The following CHD7 variants were observed in gnomAD, a reference collection of about 807,000 sequenced individuals.
CHD7 encodes chromodomain helicase DNA binding protein 7.
In CHD7, 24 loss-of-function variants were observed where a neutral mutation model predicts 307.3. The ratio of observed to expected loss-of-function variants is 0.08; its 90% CI spans 0.06 to 0.11. The LOEUF is 0.11. CHD7 is among the 10% of genes least tolerant of loss of function. The pLI is 1.00. For missense variants in CHD7, 3,106 were observed against 3,727.1 expected (o/e 0.83, Z 4.34); for synonymous variants, 1,363 against 1,349.9 (o/e 1.01, Z -0.21).
intron 1 of CHD7, among the ~76,000 whole-genome samples, chr8:60,703,101 T>C (rs1806847873): frequency 6.6e-6 from 1 of 152,248 alleles, no homozygotes. Context: ...TGGCCACCAC[T>C]GCGACCATCT....
intron 1 of CHD7, among the ~76,000 whole-genome samples, chr8:60,714,142 A>G (rs1483400945): frequency 6.6e-6 from 1 of 151,450 alleles, no homozygotes; most frequent in African/African-American, 2.4e-5. Flanking sequence ...CAGCGCCCGG[A>G]GCCCGCGCGA....
chr8:60,739,779 T>C (rs1808898251), intron 1 of CHD7, among the ~76,000 whole-genome samples: 1 of 152,248 alleles, frequency 6.6e-6, no homozygotes, highest in South Asian at 2.1e-4. Context: ...TTTATGTGTC[T>C]TACTGGTAAG....
At chr8:60,784,015 G>A (rs979453587) in intron 3 of CHD7, among the ~76,000 whole-genome samples, 4 of 152,164 alleles carry the variant, frequency 2.6e-5, no homozygotes, top group African/African-American at 9.7e-5. Flanking sequence ...CTGATAAATT[G>A]AGTATGTCGC....
chr8:60,781,821 C>T (rs1012274913), intron 3 of CHD7, among the ~76,000 whole-genome samples: 2 of 152,170 alleles, frequency 1.3e-5, no homozygotes, highest in African/African-American at 4.8e-5. Context: ...TTTCACTAAG[C>T]ATTCCAGCCC....
chr8:60,734,409 G>A (rs1335940961), intron 1 of CHD7, among the ~76,000 whole-genome samples: 6 of 152,228 alleles, frequency 3.9e-5, no homozygotes, highest in Admixed American at 3.9e-4. Flanking sequence ...CAGAAAGAGA[G>A]GGAGGTGAAC....
intron 13 of CHD7, among the ~76,000 whole-genome samples, chr8:60,826,449 C>G (rs1457125638): frequency 6.6e-6 from 1 of 152,198 alleles, no homozygotes; most frequent in Non-Finnish European, 1.5e-5. Flanking sequence ...ATCTTGAGAA[C>G]TTAGCCACTT....
At chr8:60,854,246 A>G in intron 31 of CHD7, 117 bp from the exon 32 acceptor site, 1 of 791,578 alleles carries the variant, frequency 1.3e-6, no homozygotes, top group South Asian at 1.8e-5. Context: ...CTAGCCATGT[A>G]GTAGGTACTC....
Position 60,700,932 on chromosome 8 carries a change from C to CGCTGCTCACAGAGCACAG in CHD7, c.-175+21859_-175+21876dup. 2.0e-5 allele frequency among the ~76,000 whole-genome samples: 3 copies of CGCTGCTCACAGAGCACAG among 152,316 alleles called. No individual in the cohort carries two copies. The East Asian group carries it at 5.8e-4, about 29-fold the overall frequency. ...AGCACGGTGCTTCTCACAAGTGGCACGCTGCTCACAGAGCACAGGCTGCTC... is the reference window on the plus strand; with the variant it reads ...AGCACGGTGCTTCTCACAAGTGGCACGCTGCTCACAGAGCACAGGCTGCTCACAGAGCACAGGCTGCTC... On this transcript the variant is annotated intron_variant, in intron 1 of 37. Coordinates refer to ENST00000423902, the MANE Select transcript of CHD7 (RefSeq NM_017780.4).
At chr8:60,850,386 C>A (rs1563657188) in intron 25 of CHD7, 107 bp from the exon 26 acceptor site, 3 of 1,368,574 alleles carry the variant, frequency 2.2e-6, no homozygotes, top group Non-Finnish European at 3.0e-6. Flanking sequence ...GAGATGCTAA[C>A]CTTGACTGAA....
At chr8:60,689,366 T>C (rs574400913) in intron 1 of CHD7, among the ~76,000 whole-genome samples, 3 of 152,372 alleles carry the variant, frequency 2.0e-5, no homozygotes, top group Admixed American at 6.5e-5. Flanking sequence ...CTAAGCTATT[T>C]ACATGAACTA....
At chr8:60,779,214 A>T (rs1052886328) in intron 2 of CHD7, among the ~76,000 whole-genome samples, 10 of 152,270 alleles carry the variant, frequency 6.6e-5, no homozygotes, top group Non-Finnish European at 1.2e-4. Context: ...CTAACCCCAG[A>T]TGGGTGAAGT....
intron 2 of CHD7, among the ~76,000 whole-genome samples, chr8:60,760,392 A>G (rs1810120390): frequency 6.7e-6 from 1 of 148,406 alleles, no homozygotes; most frequent in South Asian, 2.2e-4. Context: ...TAAAAACCCT[A>G]GAAGAAAACC....
rs377562376 is a variant in CHD7 at position 60,745,037 on chromosome 8, G to A, written c.1665+1940G>A. On this transcript the variant is annotated intron_variant, in intron 2 of 37. Coordinates refer to ENST00000423902, the MANE Select transcript of CHD7 (RefSeq NM_017780.4). ...CGGTGGGCAGGGCAGCTTCCCTGAA[G>A]ACCTTGGTGATCCTCATATAACCAC... 1.9e-4 allele frequency among the ~76,000 whole-genome samples: 29 copies of A among 150,642 alleles called. 1 individual carries two copies. The East Asian group carries it at 4.0e-3, about 21-fold the overall frequency.
intron 2 of CHD7, among the ~76,000 whole-genome samples, chr8:60,770,543 T>C (rs891188087): frequency 1.3e-5 from 2 of 152,244 alleles, no homozygotes; most frequent in Non-Finnish European, 2.9e-5. Context: ...CCTCTAAGTG[T>C]TAAACTGACT....
At chr8:60,784,633 ACTGT>A (rs1430460118) in intron 3 of CHD7, among the ~76,000 whole-genome samples, 2 of 152,194 alleles carry the variant, frequency 1.3e-5, no homozygotes, top group African/African-American at 2.4e-5. Flanking sequence ...GTGTCTCCTC[ACTGT>A]CTGGCACCCC....
chr8:60,715,846 CTA>C (rs1807571689), intron 1 of CHD7, among the ~76,000 whole-genome samples: 1 of 152,144 alleles, frequency 6.6e-6, no homozygotes, highest in Admixed American at 6.5e-5. Context: ...ATATAGGCCA[CTA>C]TTTTGTTTCT....
intron 2 of CHD7, among the ~76,000 whole-genome samples, chr8:60,760,478 C>A (rs1050120765): frequency 2.1e-5 from 3 of 144,440 alleles, no homozygotes; most frequent in African/African-American, 7.8e-5. Context: ...GCAACAAAAG[C>A]CAAAATTGAC....
chr8:60,680,839 G>A (rs1416614489), intron 1 of CHD7, among the ~76,000 whole-genome samples: 2 of 152,184 alleles, frequency 1.3e-5, no homozygotes, highest in African/African-American at 4.8e-5. Context: ...GTTTCCCATT[G>A]TATATTATCT....
chr8:60,689,040 G>C (rs1327456263), intron 1 of CHD7, among the ~76,000 whole-genome samples: 2 of 152,150 alleles, frequency 1.3e-5, no homozygotes, highest in Non-Finnish European at 1.5e-5. Context: ...GAGAGGGAAG[G>C]CTCTGGGGTA....
Sources: allele counts gnomAD v4.1 joint callset (sites outside exome capture counted in the v4.1 genomes callset), GRCh38; gene constraint gnomAD v4.1.1; transcripts MANE v1.5; gene names NCBI Gene and HGNC (gene_info 2026-07-23, HGNC 2026-07-21).